Variants in NOP56 observed in about 807,000 individuals in gnomAD.
NOP56 encodes the protein nucleolar protein 56.
In NOP56, 31 loss-of-function variants were observed where a neutral mutation model predicts 58.3. That is an observed-to-expected ratio of 0.53 (90% CI 0.40 to 0.72). The LOEUF (loss-of-function observed/expected upper bound fraction) is 0.72. NOP56 is among the 30% of genes least tolerant of loss of function. The pLI is 0.00. For synonymous variants in NOP56, 313 were observed against 282.8 expected (o/e 1.11, Z -1.07); for missense variants, 669 against 739.9 (o/e 0.90, Z 1.11).
intron 10 of NOP56, 26 bp downstream of exon 10, chr20:2,656,921 AG>A: frequency 6.2e-7 from 1 of 1,614,092 alleles, no homozygotes; most frequent in Non-Finnish European, 8.5e-7. Context: ...CTGGGTGTGG[AG>A]TGGCATAGCT....
rs759607127 is a variant in NOP56, at chr20:2,653,320, C to G, written c.135C>G (p.Ile45Met). The part of the protein sequence containing the change: ...SVLNLGKFHS[I>M]VRLVAFCPFA... The stretch of plus-strand genomic sequence containing the variant: ...TCAACCTGGGCAAATTCCACAGCAT[C>G]GTTCGTCTGGTGGCCTTTTGTCCCT... The change falls in exon 3 of 12, where the codon ATC becomes ATG. Residue 45 changes from isoleucine (I) to methionine (M), a missense_variant. Around this residue, in one of 3 missense-constraint regions of NOP56, gnomAD observed 121 missense variants for 113.1 expected, o/e 1.07. Transcript: ENST00000329276. The G allele has an allele frequency of 5.6e-6, 9 of 1,614,192 alleles. No homozygotes were observed. Among genetic ancestry groups the G allele is most frequent in the Non-Finnish European group, 7.6e-6 (9 of 1,180,018 alleles).
chr20:2,654,602 G>T (rs750675132), intron 4 of NOP56, 27 bp downstream of exon 4: 1 of 1,612,492 alleles, frequency 6.2e-7, no homozygotes, highest in Non-Finnish European at 8.5e-7. Context: ...TTATATTCCT[G>T]TTATCCTGGA....
At chr20:2,657,012 AT>A in intron 10 of NOP56, 68 bp from the exon 11 acceptor site, 1 of 1,614,068 alleles carries the variant, frequency 6.2e-7, no homozygotes. Flanking sequence ...GCCTGATCCA[AT>A]AAAGCCAGAA....
At chr20:2,655,854 G>A (rs965425710) in intron 7 of NOP56, 80 bp from the exon 8 acceptor site, 3 of 1,608,952 alleles carry the variant, frequency 1.9e-6, no homozygotes, top group African/African-American at 2.7e-5. Context: ...GCTTGATGGG[G>A]AGGTGGGGAG....
rs748169806 is a variant in NOP56, at chr20:2,655,073, C to T, written c.569+126C>T. ...TGGGCTGGGGCTGGGTGTAGGCCTC[C>T]TGGTGCTTACCACAGGCTGTGTTCT... On this transcript the variant is annotated intron_variant, in intron 5 of 11. Coordinates refer to ENST00000329276, the MANE Select transcript of NOP56 (RefSeq NM_006392.4). 6 of 1,208,962 alleles carry T rather than the reference C, an allele frequency of 5.0e-6. No individual in the cohort carries two copies. The South Asian group carries it at 6.1e-5, about 12-fold the overall frequency. The allele number at this position is 1,208,962 out of a possible 1,614,324, so 74.9% of individuals were successfully genotyped here. A position where few individuals can be genotyped will look rare whatever the true frequency, so the allele number is the denominator to read the frequency against.
rs773191784 is a variant in NOP56, at chr20:2,654,829, A to G, written c.451A>G (p.Ser151Gly). 2 of 1,614,134 alleles carry G rather than the reference A, an allele frequency of 1.2e-6. No homozygotes were observed. The highest frequency in any genetic ancestry group is 1.7e-6 in the Non-Finnish European group (2 of 1,180,012). The change falls in exon 5 of 12, where the codon AGC (serine) becomes GGC (glycine). Residue 151 changes from serine to glycine, a missense_variant. Physicochemically the swap from Ser to Gly is moderately conservative, Grantham distance 56. Around this residue, in one of 3 missense-constraint regions of NOP56, gnomAD observed 339 missense variants for 430.5 expected, o/e 0.79. Coordinates refer to ENST00000329276, the MANE Select transcript of NOP56 (RefSeq NM_006392.4). ...TAAAGCACAGCTGGGGCTGGGACAC[A>G]GCTATTCCCGTGCCAAAGTTAAGTT... ...ACKAQLGLGH[S>G]YSRAKVKFNV...
chr20:2,654,146 CTATTA>C, intron 3 of NOP56: 1 of 681,548 alleles, frequency 1.5e-6, no homozygotes, highest in Non-Finnish European at 2.7e-6. Context: ...GTGTTACAAG[CTATTA>C]TTTATTGCCC....
At chr20:2,652,796 A>G (rs2086766271) in intron 1 of NOP56, 46 bp from the exon 2 acceptor site, 2 of 1,565,454 alleles carry the variant, frequency 1.3e-6, no homozygotes, top group South Asian at 1.1e-5. Context: ...GGGTTCCGGC[A>G]GACGCTGAGG....
chr20:2,653,197 C>A, intron 2 of NOP56, 82 bp from the exon 3 acceptor site: 1 of 1,176,662 alleles, frequency 8.5e-7, no homozygotes, highest in South Asian at 1.2e-5. Flanking sequence ...TTAAGAGCTT[C>A]CAAGGCTGAG....
chr20:2,653,257 C>T, intron 2 of NOP56, 22 bp from the exon 3 acceptor site: 3 of 1,591,032 alleles, frequency 1.9e-6, no homozygotes, highest in Admixed American at 1.7e-5. Context: ...AAGGAAACCA[C>T]TTAGCCTCTT....
At position 2,657,183 on chromosome 20, in the gene NOP56, T is replaced by A. The variant is rs756090193; in HGVS notation, c.1384T>A (p.Ser462Thr). The A allele has an allele frequency of 6.2e-7, 1 of 1,614,104 alleles. No individual in the cohort carries two copies. Among genetic ancestry groups the A allele is most frequent in the South Asian group, 1.1e-5 (1 of 91,070 alleles). Residue 462 changes from serine to threonine, a missense_variant, in exon 11 of 12, where the codon TCA becomes ACA. Around this residue, in one of 3 missense-constraint regions of NOP56, gnomAD observed 209 missense variants for 196.2 expected, o/e 1.07. Transcript: ENST00000329276. ...GCTGGCTGCACTTGCCCTCGCGTCT[T>A]CAGAAAACAGCAGTAGTACTCCAGA... ...KRLAALALASSENSSSTPEEC... is the reference protein window; with the variant it reads ...KRLAALALASTENSSSTPEEC...
chr20:2,653,190 A>G, intron 2 of NOP56, 89 bp from the exon 3 acceptor site: 1 of 1,088,052 alleles, frequency 9.2e-7, no homozygotes, highest in African/African-American at 1.6e-5. Flanking sequence ...GCATATTTTA[A>G]GAGCTTCCAA....
Position 2,653,291 on chromosome 20 carries a change from G to T in NOP56, c.106G>T (p.Val36Leu), listed in dbSNP as rs563205671. ...SLLQPQVEES[V>L]LNLGKFHSIV... is the part of the protein sequence containing the mutation. ...TTTCTCCCCCCAGGTGGAGGAGTCT[G>T]TGCTCAACCTGGGCAAATTCCACAG... Residue 36 changes from valine to leucine, a missense_variant, in exon 3 of 12, where the codon GTG becomes TTG. By Grantham distance (32) the Val-to-Leu change is conservative. Coordinates refer to ENST00000329276, the MANE Select transcript of NOP56 (RefSeq NM_006392.4). 6.2e-7 allele frequency: 1 copy of T among 1,613,790 alleles called. No individual in the cohort carries two copies. Among genetic ancestry groups the T allele is most frequent in the African/African-American group, 1.3e-5 (1 of 75,030 alleles).
rs1420679196 is a variant in NOP56, at chr20:2,653,553, C to A, written c.208+160C>A. On this transcript the variant is annotated intron_variant, in intron 3 of 11. Coordinates refer to ENST00000329276, the MANE Select transcript of NOP56 (RefSeq NM_006392.4). Reference sequence around the variant, plus strand: ...ATGTGTAATTTGAAATAATTGTCTTCACAGAGCTCAAGGTCTGGGAACTGT... The same window carrying A: ...ATGTGTAATTTGAAATAATTGTCTTAACAGAGCTCAAGGTCTGGGAACTGT... The A allele has an allele frequency of 1.6e-5, 10 of 631,102 alleles. No individual in the cohort carries two copies. The East Asian group carries it at 2.7e-4, about 17-fold the overall frequency. 39.1% of individuals were successfully genotyped at this position (631,102 alleles called of 1,614,324 possible). A position where few individuals can be genotyped will look rare whatever the true frequency, so the allele number is the denominator to read the frequency against.
chr20:2,658,378 AAAC>A lies in NOP56; in HGVS notation c.*87_*89del, dbSNP rs1170911855. On this transcript the variant is annotated 3_prime_UTR_variant, in exon 12 of 12. Transcript: ENST00000329276. ...CACCCTGTGCCGTGTTCCCCAATAA[AAAC>A]AAATTCACAAGAGTTGGTTCATGTT... The A allele has an allele frequency of 6.2e-7, 1 of 1,610,150 alleles. No homozygotes were observed. The highest frequency in any genetic ancestry group is 8.5e-7 in the Non-Finnish European group (1 of 1,178,362).
At chr20:2,657,470 C>T (rs1320827772) in intron 11 of NOP56, 1 of 688,336 alleles carries the variant, frequency 1.5e-6, no homozygotes, top group Non-Finnish European at 2.7e-6. Flanking sequence ...GGCTGCCTCC[C>T]AGGAGTCCTC....
At chr20:2,657,632 T>TA in intron 11 of NOP56, 2 of 516,526 alleles carry the variant, frequency 3.9e-6, no homozygotes, top group Non-Finnish European at 3.4e-6. Context: ...CCCAGTTTCT[T>TA]AAACAGTGTT....
Position 2,655,460 on chromosome 20 carries a change from A to G in NOP56, c.705A>G (p.Thr235=). 4 of 1,614,110 alleles carry G rather than the reference A, an allele frequency of 2.5e-6. No individual in the cohort carries two copies. The highest frequency in any genetic ancestry group is 3.4e-6 in the Non-Finnish European group (4 of 1,179,996). The part of the protein sequence containing the change: ...EDKLEKLEEL[T]MDGAKAKAIL... The stretch of plus-strand genomic sequence containing the variant: ...AGCTGGAGAAGCTGGAGGAGCTGAC[A>G]ATGGATGGGGCCAAGGCTAAGGCTA... The change falls in exon 6 of 12, where the codon ACA becomes ACG. Residue 235 remains threonine (T), a synonymous_variant. Transcript: ENST00000329276.
chr20:2,654,391 G>T (rs1452952867), intron 3 of NOP56, 23 bp from the exon 4 acceptor site: 1 of 1,613,760 alleles, frequency 6.2e-7, no homozygotes, highest in African/African-American at 1.3e-5. Context: ...CCTGTTAGTG[G>T]GAACTGTGTT....
Sources: gnomAD v4.1 joint callset for allele counts on GRCh38, gnomAD v4.1.1 for gene constraint, gnomAD v4.1.1 regional missense constraint, MANE v1.5 for transcripts, NCBI Gene and HGNC (gene_info 2026-07-23, HGNC 2026-07-21) for gene names.